Variants in PLEKHA7 observed in about 807,000 individuals in gnomAD.
PLEKHA7 encodes the protein pleckstrin homology domain containing A7, also known as pleckstrin homology domain-containing family A member 7.
PLEKHA7 carries 104 observed loss-of-function variants against 170.0 expected under a neutral mutation model. That is an observed-to-expected ratio of 0.61 (90% CI 0.52 to 0.72). The LOEUF (loss-of-function observed/expected upper bound fraction) is 0.72, where lower values mean the gene tolerates loss of function less well. Among genes scored for constraint, PLEKHA7 ranks in the 30% least tolerant of loss-of-function variants. The pLI is 0.00. For synonymous variants in PLEKHA7, 648 were observed against 660.8 expected (o/e 0.98, Z 0.30); for missense variants, 1,615 against 1,671.7 (o/e 0.97, Z 0.59).
At chr11:16,890,516 T>TA (rs1856540848) in intron 3 of PLEKHA7, among the ~76,000 whole-genome samples, 1 of 152,226 alleles carries the variant, frequency 6.6e-6, no homozygotes, top group Non-Finnish European at 1.5e-5. Flanking sequence ...AAACAGACTT[T>TA]AAATCAATAA....
chr11:16,960,075 A>G (rs1277176496), intron 3 of PLEKHA7, among the ~76,000 whole-genome samples: 1 of 152,118 alleles, frequency 6.6e-6, no homozygotes, highest in Non-Finnish European at 1.5e-5. Context: ...GTGTGTGTGC[A>G]CACACGCCTC....
At chr11:16,906,938 C>T (rs1008676711) in intron 3 of PLEKHA7, among the ~76,000 whole-genome samples, 1 of 149,128 alleles carries the variant, frequency 6.7e-6, no homozygotes, top group Non-Finnish European at 1.5e-5. Flanking sequence ...TGCCCTGCCG[C>T]CCCGTCTGGG....
rs772870276 is a variant in PLEKHA7 at position 16,786,332 on chromosome 11, T to C, written c.3413A>G (p.Glu1138Gly). Residue 1138 changes from glutamate to glycine, a missense_variant, in exon 24 of 27, where the codon GAA becomes GGA. Glu to Gly is a moderately conservative substitution (Grantham distance 98). Transcript: ENST00000531066. ...GCCATTCTCCTCCTTGTCCTTTTTT[T>C]CCCCTTGCACGACCCGTTCCAGCAA... The part of the protein sequence containing the change: ...LQLLERVVQG[E>G]KKDKEENGWL... 73 of 1,536,144 alleles carry C rather than the reference T, an allele frequency of 4.8e-5. No individual in the cohort carries two copies. The African/African-American group carries it at 5.5e-4, about 12-fold the overall frequency.
intron 13 of PLEKHA7, among the ~76,000 whole-genome samples, chr11:16,809,042 G>C (rs1466586485): frequency 6.6e-6 from 1 of 152,156 alleles, no homozygotes; most frequent in Non-Finnish European, 1.5e-5. Flanking sequence ...TGAGATAAAT[G>C]AACATCAAGT....
At chr11:16,893,682 T>G (rs985457876) in intron 3 of PLEKHA7, among the ~76,000 whole-genome samples, 1 of 152,162 alleles carries the variant, frequency 6.6e-6, no homozygotes, top group Non-Finnish European at 1.5e-5. Flanking sequence ...ATGAGCTCAT[T>G]TGCAGGTGTG....
chr11:16,822,217 GC>G (rs1430026608), intron 10 of PLEKHA7, among the ~76,000 whole-genome samples: 1 of 152,120 alleles, frequency 6.6e-6, no homozygotes, highest in Non-Finnish European at 1.5e-5. Context: ...CAGTCACCCA[GC>G]TTTTGAAAGT....
In PLEKHA7 at chr11:16,861,923, T is replaced by C. The variant is rs539385974; in HGVS notation, c.306-6009A>G. ...TAGCTTACACCCATCAGCTAAGGGT[T>C]TGGGGAAAGCAATGCACAATGAAAA... On this transcript the variant is annotated intron_variant, in intron 4 of 26. Coordinates refer to ENST00000531066, the MANE Select transcript of PLEKHA7 (RefSeq NM_001329630.2). Among the ~76,000 whole-genome samples the C allele has an allele frequency of 2.0e-5, 3 of 152,108 alleles. No individual in the cohort carries two copies. The East Asian group carries it at 5.8e-4, about 29-fold the overall frequency.
intron 3 of PLEKHA7, chr11:16,975,011 C>T (rs549476885): frequency 1.4e-6 from 1 of 737,964 alleles, no homozygotes; most frequent in African/African-American, 5.9e-5. Flanking sequence ...GGACGTTAAC[C>T]ATGCTTGCGT....
chr11:17,012,457 A>G (rs1865376113), intron 3 of PLEKHA7, among the ~76,000 whole-genome samples: 1 of 152,136 alleles, frequency 6.6e-6, no homozygotes, highest in South Asian at 2.1e-4. Context: ...CCTTCTTGTC[A>G]TTCAAATTTT....
chr11:16,829,994 T>G (rs552463306), intron 9 of PLEKHA7, among the ~76,000 whole-genome samples: 266 of 152,116 alleles, frequency 1.7e-3, no homozygotes, highest in Admixed American at 4.6e-3. Context: ...TTTTTCTTTT[T>G]CTGATACAGG....
chr11:16,959,777 C>T (rs528288001), intron 3 of PLEKHA7, among the ~76,000 whole-genome samples: 1 of 152,176 alleles, frequency 6.6e-6, no homozygotes, highest in Non-Finnish European at 1.5e-5. Flanking sequence ...ACTTCTTTAT[C>T]AGTGTGTGGT....
chr11:16,844,094 T>C (rs1481059447), intron 8 of PLEKHA7, among the ~76,000 whole-genome samples: 2 of 152,210 alleles, frequency 1.3e-5, no homozygotes. Flanking sequence ...TAGAGGGTTC[T>C]GGGACAGGTG....
chr11:16,892,459 G>GTT (rs746065610), intron 3 of PLEKHA7, among the ~76,000 whole-genome samples: 4 of 95,986 alleles, frequency 4.2e-5, no homozygotes, highest in Admixed American at 1.1e-4. Flanking sequence ...GTTTTGTTTT[G>GTT]TTTTGAGATA....
In PLEKHA7 at chr11:16,907,625, G is replaced by A. The variant is rs1590574619; in HGVS notation, c.222-36443C>T. ...GGGAGGTGAGGGGCGCCTCTGCCTG[G>A]CCGCCCCTACTGGGAAGTAAGGAGC... is the stretch of plus-strand genomic sequence containing the variant. On this transcript the variant is annotated intron_variant, in intron 3 of 26. Transcript: ENST00000531066. 1.6e-5 allele frequency among the ~76,000 whole-genome samples: 2 copies of A among 127,226 alleles called. 1 individual carries two copies. Among genetic ancestry groups the A allele is most frequent in the Non-Finnish European group, 3.6e-5 (2 of 55,010 alleles). The allele number at this position is 127,226 out of a possible 152,430, so 83.5% of individuals were successfully genotyped here.
intron 11 of PLEKHA7, 105 bp from the exon 12 acceptor site, chr11:16,816,369 T>C: frequency 1.3e-6 from 1 of 773,912 alleles, no homozygotes; most frequent in Middle Eastern, 3.5e-4. Flanking sequence ...AGACTTCTCA[T>C]CTATGAAATG....
intron 10 of PLEKHA7, among the ~76,000 whole-genome samples, chr11:16,822,854 G>A (rs908156873): frequency 2.0e-5 from 3 of 152,200 alleles, no homozygotes; most frequent in African/African-American, 4.8e-5. Flanking sequence ...AATGGAGTCA[G>A]ATTTCTGCGC....
chr11:16,840,903 T>C (rs1323477483), intron 9 of PLEKHA7, among the ~76,000 whole-genome samples: 1 of 152,158 alleles, frequency 6.6e-6, no homozygotes, highest in Non-Finnish European at 1.5e-5. Flanking sequence ...GTTCCACCCT[T>C]AGGTTACAAG....
Position 16,843,474 on chromosome 11 carries a change from T to G in PLEKHA7, c.697-1752A>C, listed in dbSNP as rs574389725. ...TGGGCCTGCTTCTGACATTTACATA[T>G]CTGAGTCCATCTGGCTCAGTGCCAA... On this transcript the variant is annotated intron_variant, in intron 8 of 26. Coordinates refer to ENST00000531066, the MANE Select transcript of PLEKHA7 (RefSeq NM_001329630.2). Among the ~76,000 whole-genome samples the G allele has an allele frequency of 3.5e-4, 53 of 152,368 alleles. 1 individual carries two copies. Among genetic ancestry groups the G allele is most frequent in the Middle Eastern group, 3.4e-3 (1 of 294 alleles).
rs551250076 is a variant in PLEKHA7, at chr11:16,933,100, C to A, written c.222-61918G>T. ...TAGAGGATGGCCCGGGGATTAAGGA[C>A]GATAAAAACCTAATAGTTACTCGGT... is the stretch of plus-strand genomic sequence containing the variant. On this transcript the variant is annotated intron_variant, in intron 3 of 26. Transcript: ENST00000531066. 2.0e-5 allele frequency among the ~76,000 whole-genome samples: 3 copies of A among 152,314 alleles called. No individual in the cohort carries two copies. In the South Asian group the frequency reaches 6.2e-4, roughly 32 times the overall value.
Sources: gnomAD v4.1 joint callset for allele counts (sites outside exome capture counted in the v4.1 genomes callset) on GRCh38, gnomAD v4.1.1 for gene constraint, MANE v1.5 for transcripts, NCBI Gene and HGNC (gene_info 2026-07-23, HGNC 2026-07-21) for gene names.